The following NMUR1 variants were observed in gnomAD, a reference collection of about 807,000 sequenced individuals.
NMUR1 encodes neuromedin U receptor 1, also known as neuromedin-U receptor 1.
A neutral mutation model predicts 18.8 loss-of-function variants in NMUR1; 16 were observed. That is an observed-to-expected ratio of 0.85 (90% CI 0.58 to 1.29). NMUR1 has a LOEUF of 1.29. Among genes scored for constraint, NMUR1 ranks in the 50% most tolerant of loss-of-function variants. The pLI, the probability that NMUR1 is intolerant of heterozygous loss-of-function variation, is 0.00. For missense variants in NMUR1, 529 were observed against 580.3 expected, an observed-to-expected ratio of 0.91 and a Z score of 0.91; for synonymous variants, 258 against 258.2, an observed-to-expected ratio of 1.00 and a Z score of 0.01.
chr2:231,527,744 TG>T (rs2047370602), intron 2 of NMUR1, among the ~76,000 whole-genome samples: 1 of 151,602 alleles, frequency 6.6e-6, no homozygotes, highest in South Asian at 2.1e-4. Flanking sequence ...GCCCTTTCTG[TG>T]TTTTGGTTCC....
chr2:231,528,211 C>T lies in NMUR1; in HGVS notation c.810G>A (p.Lys270=). Residue 270 remains lysine, a synonymous_variant, in exon 2 of 3, where the codon AAG becomes AAA. Coordinates refer to ENST00000305141, the MANE Select transcript of NMUR1 (RefSeq NM_006056.5). ...ACCTGGCTGCTGCAGAGCCCCTGCC[C>T]TTGGCCTCCTGCATGAGCAGCAGCC... ...RERLLLMQEA[K]GRGSAAARSR... is the part of the protein sequence containing the mutation. The T allele has an allele frequency of 1.2e-6, 2 of 1,611,326 alleles. No individual in the cohort carries two copies. Among genetic ancestry groups the T allele is most frequent in the East Asian group, 4.5e-5 (2 of 44,868 alleles).
intron 1 of NMUR1, 37 bp from the exon 2 acceptor site, chr2:231,529,054 T>C (rs2047390409): frequency 6.4e-7 from 1 of 1,551,594 alleles, no homozygotes; most frequent in African/African-American, 1.4e-5. Flanking sequence ...AGAAAGATCA[T>C]TCAGGGAATG....
intron 1 of NMUR1, 47 bp downstream of exon 1, chr2:231,530,312 C>T: frequency 6.7e-7 from 1 of 1,498,238 alleles, no homozygotes; most frequent in Non-Finnish European, 8.8e-7. Context: ...CACCGAGCCC[C>T]GGCCCAGCTG....
chr2:231,526,057 A>G (rs1434178047), intron 2 of NMUR1, among the ~76,000 whole-genome samples: 1 of 151,840 alleles, frequency 6.6e-6, no homozygotes, highest in Non-Finnish European at 1.5e-5. Flanking sequence ...CTTGCCCTGC[A>G]CTAACCTGCC....
At chr2:231,525,465 G>A (rs894094293) in intron 2 of NMUR1, 40 bp from the exon 3 acceptor site, 12 of 1,562,888 alleles carry the variant, frequency 7.7e-6, no homozygotes, top group Non-Finnish European at 8.7e-6. Context: ...CCCGCCCGAG[G>A]CCCCTCAGCT....
At chr2:231,530,070 G>C (rs753354480) in intron 1 of NMUR1, among the ~76,000 whole-genome samples, 8 of 152,012 alleles carry the variant, frequency 5.3e-5, no homozygotes, top group Non-Finnish European at 1.2e-4. Flanking sequence ...CCTCACCCCC[G>C]CTGCACAGCA....
Position 231,528,821 on chromosome 2 carries a change from T to A in NMUR1, c.200A>T (p.Tyr67Phe), listed in dbSNP as rs2125669300. Reference protein sequence around the residue: ...TELFMPICATYLLIFVVGAVG... With the variant: ...TELFMPICATFLLIFVVGAVG... ...AGCGCCCACCACGAAGATCAGCAGG[T>A]ATGTGGCACAGATGGGCATGAACAG... The change falls in exon 2 of 3, where the codon TAC becomes TTC. Residue 67 changes from tyrosine (Y) to phenylalanine (F), a missense_variant. By Grantham distance (22) the Tyr-to-Phe change is conservative (BLOSUM62 3). Coordinates refer to ENST00000305141, the MANE Select transcript of NMUR1 (RefSeq NM_006056.5). 6.2e-7 allele frequency: 1 copy of A among 1,614,044 alleles called. No homozygotes were observed. Among genetic ancestry groups the A allele is most frequent in the Non-Finnish European group, 8.5e-7 (1 of 1,180,008 alleles).
chr2:231,528,037 TACTC>T, intron 2 of NMUR1, 82 bp downstream of exon 2: 4 of 1,402,252 alleles, frequency 2.9e-6, no homozygotes, highest in Non-Finnish European at 3.8e-6. Context: ...TAAACCCAGA[TACTC>T]AGCCCCTTCT....
In NMUR1 at chr2:231,528,923, C is replaced by T. The variant is rs764271353; in HGVS notation, c.98G>A (p.Gly33Glu). Residue 33 changes from glycine (G) to glutamate (E), a missense_variant, in exon 2 of 3, where the codon GGG becomes GAG. Transcript: ENST00000305141. ...PMACNGSAAR[G>E]HFDPEDLNLT... ...GTTCAAGTCCTCAGGGTCAAAGTGC[C>T]CCCTGGCCGCACTGCCATTGCAAGC... The T allele has an allele frequency of 2.5e-6, 4 of 1,614,146 alleles. No individual in the cohort carries two copies. The highest frequency in any genetic ancestry group is 3.4e-6 in the Non-Finnish European group (4 of 1,180,016).
chr2:231,521,457 A>G (rs992823286), downstream of NMUR1, among the ~76,000 whole-genome samples: 1 of 152,160 alleles, frequency 6.6e-6, no homozygotes, highest in Non-Finnish European at 1.5e-5. Flanking sequence ...CACTTTCTGA[A>G]ATGGGAGAGC....
At chr2:231,526,236 T>A (rs2047355465) in intron 2 of NMUR1, among the ~76,000 whole-genome samples, 1 of 152,212 alleles carries the variant, frequency 6.6e-6, no homozygotes, top group African/African-American at 2.4e-5. Context: ...CCTTGTTTCT[T>A]GGGTTTGCTG....
At position 231,527,866 on chromosome 2, in the gene NMUR1, G is replaced by C. The variant is rs77132735; in HGVS notation, c.898+257C>G. Among the ~76,000 whole-genome samples the C allele has an allele frequency of 5.4e-3, 827 of 152,070 alleles. 37 individuals are homozygous for C. The East Asian group carries it at 0.13, about 23-fold the overall frequency. On this transcript the variant is annotated intron_variant, in intron 2 of 2. Transcript: ENST00000305141. ...AAAAGGGACCCTGAATTTTCATGTT[G>C]CACTGGACTCCACAAATTACACAAT...
chr2:231,525,735 T>C (rs2047349781), intron 2 of NMUR1, among the ~76,000 whole-genome samples: 1 of 152,166 alleles, frequency 6.6e-6, no homozygotes, highest in African/African-American at 2.4e-5. Flanking sequence ...GAATATGAAA[T>C]TGGGTGACAC....
chr2:231,525,864 G>A (rs1162751991), intron 2 of NMUR1, among the ~76,000 whole-genome samples: 1 of 152,212 alleles, frequency 6.6e-6, no homozygotes, highest in African/African-American at 2.4e-5. Context: ...AATGGGGCAC[G>A]TGCTCAGAGA....
downstream of NMUR1, among the ~76,000 whole-genome samples, chr2:231,521,973 C>CTCTCTTTTTTTTT (rs71396675): frequency 2.4e-5 from 2 of 83,828 alleles, no homozygotes; most frequent in Non-Finnish European, 2.2e-5. Context: ...TTTTTTTTCT[C>CTCTCTTTTTTTTT]TTTTTTTTTT....
chr2:231,530,387 G>C lies in NMUR1; in HGVS notation c.-26C>G. ...GCGGCCCGCGGCCCGCGAGACCCCG[G>C]CTTCCACCCTCCGAGCGACGGACAC... is the stretch of plus-strand genomic sequence containing the variant. On this transcript the variant is annotated 5_prime_UTR_variant, in exon 1 of 3. Transcript: ENST00000305141. 2.7e-6 allele frequency: 4 copies of C among 1,483,784 alleles called. No homozygotes were observed. The highest frequency in any genetic ancestry group is 3.6e-6 in the Non-Finnish European group (4 of 1,124,346). The allele number at this position is 1,483,784 out of a possible 1,614,324, so 91.9% of individuals were successfully genotyped here. A position where few individuals can be genotyped will look rare whatever the true frequency, so the allele number is the denominator to read the frequency against.
At chr2:231,522,077 T>C (rs2125659851), downstream of NMUR1, among the ~76,000 whole-genome samples, 1 of 147,652 alleles carries the variant, frequency 6.8e-6, no homozygotes, top group South Asian at 2.2e-4. Context: ...CCTCCTGGGC[T>C]CAGGTGATTT....
At chr2:231,526,969 G>A (rs1326533984) in intron 2 of NMUR1, among the ~76,000 whole-genome samples, 1 of 152,166 alleles carries the variant, frequency 6.6e-6, no homozygotes, top group African/African-American at 2.4e-5. Context: ...GATCCCCTGT[G>A]CCTTGAGCCC....
downstream of NMUR1, among the ~76,000 whole-genome samples, chr2:231,520,713 C>T (rs575269301): frequency 1.3e-5 from 2 of 152,142 alleles, no homozygotes; most frequent in Non-Finnish European, 2.9e-5. Flanking sequence ...AAGGGGAAGA[C>T]TTGGAGAAGT....
Sources: allele counts gnomAD v4.1 joint callset (sites outside exome capture counted in the v4.1 genomes callset), GRCh38; gene constraint gnomAD v4.1.1; transcripts MANE v1.5; gene names NCBI Gene and HGNC (gene_info 2026-07-23, HGNC 2026-07-21).